CBL: variants seen among roughly 807,000 people sequenced by gnomAD.
The protein encoded by CBL is Cbl proto-oncogene, also known as E3 ubiquitin-protein ligase CBL.
A neutral mutation model predicts 96.9 loss-of-function variants in CBL; 45 were observed. That is an observed-to-expected ratio of 0.46 (90% CI 0.37 to 0.60). The LOEUF (loss-of-function observed/expected upper bound fraction) is 0.60, where lower values mean the gene tolerates loss of function less well. Ranked by LOEUF, CBL falls within the 20% of genes least tolerant of loss-of-function variation. The pLI, the probability that CBL is intolerant of heterozygous loss-of-function variation, is 0.00. For missense variants in CBL, 1,024 were observed against 1,143.5 expected (o/e 0.90, Z 1.51); for synonymous variants, 420 against 426.8 (o/e 0.98, Z 0.20).
intron 15 of CBL, 91 bp downstream of exon 15, chr11:119,298,631 T>A: frequency 9.0e-7 from 1 of 1,105,394 alleles, no homozygotes; most frequent in Non-Finnish European, 1.4e-6. Context: ...CTGGTGACAG[T>A]AAGTCAGTAT....
intron 2 of CBL, among the ~76,000 whole-genome samples, chr11:119,244,084 G>A (rs964219777): frequency 6.6e-6 from 1 of 152,116 alleles, no homozygotes; most frequent in Non-Finnish European, 1.5e-5. Flanking sequence ...GTAACAGCAC[G>A]AATTCACAAG....
intron 2 of CBL, among the ~76,000 whole-genome samples, chr11:119,266,340 A>G (rs1297762592): frequency 6.6e-6 from 1 of 152,158 alleles, no homozygotes; most frequent in Admixed American, 6.5e-5. Context: ...TTACCTCATC[A>G]TTCATATAAA....
intron 9 of CBL, among the ~76,000 whole-genome samples, chr11:119,282,512 A>G (rs530750226): frequency 2.2e-4 from 33 of 152,334 alleles, no homozygotes; most frequent in African/African-American, 7.7e-4. Context: ...AGTCGAAATA[A>G]TCATTAGAAT....
At chr11:119,225,062 G>T (rs897655978) in intron 1 of CBL, among the ~76,000 whole-genome samples, 1 of 151,724 alleles carries the variant, frequency 6.6e-6, no homozygotes, top group African/African-American at 2.4e-5. Flanking sequence ...GTGTGTGTGT[G>T]TGTGTGTGTG....
chr11:119,298,321 G>C (rs1414938193), intron 14 of CBL, 37 bp from the exon 15 acceptor site: 28 of 1,579,462 alleles, frequency 1.8e-5, no homozygotes, highest in Non-Finnish European at 2.4e-5. Flanking sequence ...AAGATGAAGT[G>C]CGTCAGAAGA....
chr11:119,293,768 C>T (rs1168054347), intron 12 of CBL, among the ~76,000 whole-genome samples: 1 of 152,100 alleles, frequency 6.6e-6, no homozygotes, highest in Non-Finnish European at 1.5e-5. Context: ...TTTATTTAGC[C>T]CACGCTTTTG....
rs1251679997 is a variant in CBL, at chr11:119,304,591, G to A, written c.*4810G>A. 2 of 231,814 alleles carry A rather than the reference G, an allele frequency of 8.6e-6. No individual in the cohort carries two copies. The highest frequency in any genetic ancestry group is 1.7e-5 in the Non-Finnish European group (2 of 117,404). 14.4% of individuals were successfully genotyped at this position (231,814 alleles called of 1,614,324 possible). ...CAAGTCTACACCACCTTCCAACTCTGGGGATCACCATGAACAAATTCTCAA... is the reference window on the plus strand; with the variant it reads ...CAAGTCTACACCACCTTCCAACTCTAGGGATCACCATGAACAAATTCTCAA... On this transcript the variant is annotated 3_prime_UTR_variant, in exon 16 of 16. Coordinates refer to ENST00000264033, the MANE Select transcript of CBL (RefSeq NM_005188.4).
At position 119,271,775 on chromosome 11, in the gene CBL, C is replaced by A; in HGVS notation, c.484C>A (p.Leu162Met). 1 of 1,613,644 alleles carries A rather than the reference C, an allele frequency of 6.2e-7. No individual in the cohort carries two copies. The highest frequency in any genetic ancestry group is 8.5e-7 in the Non-Finnish European group (1 of 1,179,568). The change falls in exon 3 of 16, where the codon CTG (leucine) becomes ATG (methionine). Residue 162 changes from leucine to methionine, a missense_variant. Leu to Met is a conservative substitution (Grantham distance 15). Around this residue, in one of 4 missense-constraint regions of CBL, gnomAD observed 192 missense variants for 321.8 expected, o/e 0.60. Transcript: ENST00000264033. ...TKLSLIFSHM[L>M]AELKGIFPSG... ...ACTGTCCCTCATCTTCAGCCACATG[C>A]TGGCAGAACTAAAAGGAATCTTTCC...
In CBL at chr11:119,298,483, A is replaced by G. The variant is rs1235991942; in HGVS notation, c.2377A>G (p.Ile793Val). The change falls in exon 15 of 16, where the codon ATC becomes GTC. Residue 793 changes from isoleucine to valine, a missense_variant. By Grantham distance (29) the Ile-to-Val change is conservative. Around this residue, in one of 4 missense-constraint regions of CBL, gnomAD observed 695 missense variants for 661.6 expected, o/e 1.05. Coordinates refer to ENST00000264033, the MANE Select transcript of CBL (RefSeq NM_005188.4). Reference sequence around the variant, plus strand: ...GCTGGCCCGCCGAACTCTCTCAGATATCTCTAATGCCAGCTCCTCCTTTGG... The same window carrying G: ...GCTGGCCCGCCGAACTCTCTCAGATGTCTCTAATGCCAGCTCCTCCTTTGG... ...AVLARRTLSD[I>V]SNASSSFGWL... 3 of 1,614,060 alleles carry G rather than the reference A, an allele frequency of 1.9e-6. No individual in the cohort carries two copies. The highest frequency in any genetic ancestry group is 2.2e-5 in the South Asian group (2 of 91,078).
chr11:119,251,229 T>G (rs1949667687), intron 2 of CBL, among the ~76,000 whole-genome samples: 1 of 152,234 alleles, frequency 6.6e-6, no homozygotes. Flanking sequence ...CTGTATTCAT[T>G]GTGGAGCTAA....
At chr11:119,241,210 G>A (rs1949584455) in intron 2 of CBL, among the ~76,000 whole-genome samples, 1 of 152,062 alleles carries the variant, frequency 6.6e-6, no homozygotes, top group African/African-American at 2.4e-5. Context: ...ATTTTTCTTA[G>A]ACTTTATAAA....
chr11:119,265,421 T>A (rs551598902), intron 2 of CBL, among the ~76,000 whole-genome samples: 17 of 152,362 alleles, frequency 1.1e-4, no homozygotes, highest in African/African-American at 3.1e-4. Context: ...TTTCTAGCCC[T>A]GTATAGGGTT....
intron 1 of CBL, 69 bp downstream of exon 1, chr11:119,206,681 A>G: frequency 7.7e-7 from 1 of 1,296,592 alleles, no homozygotes; most frequent in Non-Finnish European, 1.0e-6. Context: ...GAGGGGAACG[A>G]GCGGACGGAG....
At chr11:119,276,337 A>G (rs942075164) in intron 6 of CBL, among the ~76,000 whole-genome samples, 1 of 152,194 alleles carries the variant, frequency 6.6e-6, no homozygotes, top group Non-Finnish European at 1.5e-5. Context: ...ATTATTCTCT[A>G]CCACTTCAGT....
chr11:119,248,975 C>A (rs1006723074), intron 2 of CBL, among the ~76,000 whole-genome samples: 1 of 152,102 alleles, frequency 6.6e-6, no homozygotes, highest in African/African-American at 2.4e-5. Context: ...AAGAATAAAA[C>A]CCTCATGCAT....
At chr11:119,255,526 T>C (rs1949704917) in intron 2 of CBL, among the ~76,000 whole-genome samples, 1 of 152,096 alleles carries the variant, frequency 6.6e-6, no homozygotes, top group South Asian at 2.1e-4. Context: ...TCTGTAATTA[T>C]ATATTTATAA....
At chr11:119,210,046 G>T (rs577853944) in intron 1 of CBL, among the ~76,000 whole-genome samples, 1 of 152,318 alleles carries the variant, frequency 6.6e-6, no homozygotes, top group East Asian at 1.9e-4. Flanking sequence ...GCAGGGAGGA[G>T]AGGAGTGGGA....
chr11:119,252,087 C>T (rs1949673450), intron 2 of CBL, among the ~76,000 whole-genome samples: 1 of 151,444 alleles, frequency 6.6e-6, no homozygotes, highest in South Asian at 2.1e-4. Context: ...TTTAATAATA[C>T]ATTTTCTTCA....
At chr11:119,296,069 T>G (rs914684934) in intron 12 of CBL, among the ~76,000 whole-genome samples, 1 of 152,194 alleles carries the variant, frequency 6.6e-6, no homozygotes, top group Non-Finnish European at 1.5e-5. Flanking sequence ...GACTTCTATG[T>G]TCTGTGTTAA....
Sources: allele counts gnomAD v4.1 joint callset (sites outside exome capture counted in the v4.1 genomes callset), GRCh38; gene constraint gnomAD v4.1.1; regional missense constraint gnomAD v4.1.1; transcripts MANE v1.5; gene names NCBI Gene and HGNC (gene_info 2026-07-23, HGNC 2026-07-21).